SEC11A: variants seen among roughly 807,000 people sequenced by gnomAD.
The protein encoded by SEC11A is SEC11 homolog A, signal peptidase complex subunit.
SEC11A carries 14 observed loss-of-function variants against 25.6 expected under a neutral mutation model. That is an observed-to-expected ratio of 0.55 (90% CI 0.36 to 0.85). SEC11A has a LOEUF of 0.85. SEC11A is among the 40% of genes least tolerant of loss of function. The probability of loss-of-function intolerance (pLI) is 0.01; values close to 1 mark genes in which losing one functional copy is unlikely to be tolerated. For synonymous variants in SEC11A, 83 were observed against 76.4 expected (o/e 1.09, Z -0.45); for missense variants, 153 against 222.9 (o/e 0.69, Z 2.00).
At chr15:84,706,122 G>A (rs1276755485) in intron 1 of SEC11A, among the ~76,000 whole-genome samples, 1 of 151,826 alleles carries the variant, frequency 6.6e-6, no homozygotes, top group Non-Finnish European at 1.5e-5. Flanking sequence ...GGCTAGGCTG[G>A]TCTCGAACTC....
chr15:84,703,824 A>G (rs556190896), intron 1 of SEC11A, among the ~76,000 whole-genome samples: 12 of 152,344 alleles, frequency 7.9e-5, no homozygotes, highest in South Asian at 2.1e-4. Context: ...TAGAATATGA[A>G]GATAATTGTG....
intron 4 of SEC11A, among the ~76,000 whole-genome samples, chr15:84,676,257 A>G (rs1596068321): frequency 6.6e-6 from 1 of 152,112 alleles, no homozygotes. Flanking sequence ...GTTAAAAAAA[A>G]AGAGAGAGAC....
At chr15:84,710,347 T>C (rs549429774) in intron 1 of SEC11A, among the ~76,000 whole-genome samples, 23 of 152,210 alleles carry the variant, frequency 1.5e-4, no homozygotes, top group African/African-American at 1.9e-4. Context: ...TTAAAGGTGA[T>C]TGTTGGCTGA....
At chr15:84,682,025 CT>C in intron 3 of SEC11A, among the ~76,000 whole-genome samples, 1 of 152,242 alleles carries the variant, frequency 6.6e-6, no homozygotes, top group East Asian at 1.9e-4. Context: ...CGTCACTGCA[CT>C]CTAGCCTTGG....
In SEC11A at chr15:84,669,986, T is replaced by C. The variant is rs746776501; in HGVS notation, c.*33A>G. 5 of 1,613,300 alleles carry C rather than the reference T, an allele frequency of 3.1e-6. No individual in the cohort carries two copies. The African/African-American group carries it at 5.3e-5, about 17-fold the overall frequency. ...TCCAAACATCCAGTAACGAAAACTA[T>C]GGCATCTTCCCAGGAACAGCAAGGC... On this transcript the variant is annotated 3_prime_UTR_variant, in exon 6 of 6. Coordinates refer to ENST00000268220, the MANE Select transcript of SEC11A (RefSeq NM_014300.4).
chr15:84,702,422 C>T (rs1016200324), intron 1 of SEC11A, among the ~76,000 whole-genome samples: 1 of 148,996 alleles, frequency 6.7e-6, no homozygotes, highest in Non-Finnish European at 1.5e-5. Flanking sequence ...AGATCGCATG[C>T]ACCACTGCAC....
chr15:84,671,588 C>T (rs1248169864), intron 4 of SEC11A: 1 of 152,268 alleles, frequency 6.6e-6, no homozygotes, highest in Non-Finnish European at 1.5e-5. Flanking sequence ...CCTTTGAGGT[C>T]TTTATAATAA....
At chr15:84,698,327 T>TA (rs1392847121) in intron 1 of SEC11A, among the ~76,000 whole-genome samples, 2 of 152,208 alleles carry the variant, frequency 1.3e-5, no homozygotes, top group Non-Finnish European at 2.9e-5. Flanking sequence ...AAATGTGTCT[T>TA]AGAGCTACAA....
chr15:84,681,696 A>C (rs1272354980), intron 3 of SEC11A, among the ~76,000 whole-genome samples: 3 of 152,188 alleles, frequency 2.0e-5, no homozygotes, highest in Non-Finnish European at 2.9e-5. Context: ...TGAGAACTTT[A>C]TCTGGGTCCA....
rs1450268782 is a variant in SEC11A at position 84,687,668 on chromosome 15, T to C, written c.268A>G (p.Arg90Gly). The C allele has an allele frequency of 1.3e-6, 2 of 1,597,268 alleles. No individual in the cohort carries two copies. The highest frequency in any genetic ancestry group is 1.1e-5 in the South Asian group (1 of 87,184). The change falls in exon 3 of 6, where the codon AGA (arginine) becomes GGA (glycine). Residue 90 changes from arginine (R) to glycine (G), a missense_variant. Coordinates refer to ENST00000268220, the MANE Select transcript of SEC11A (RefSeq NM_014300.4). ...ACTCGGTGAACTATAGGAATCTCTC[T>C]TCCTTCTATCCTAAAAACAACAATT... The part of the protein sequence containing the change: ...GEIVVFRIEG[R>G]EIPIVHRVLK...
intron 1 of SEC11A, among the ~76,000 whole-genome samples, chr15:84,715,553 A>G (rs1381393916): frequency 6.6e-6 from 1 of 152,180 alleles, no homozygotes; most frequent in African/African-American, 2.4e-5. Context: ...GTTCAGCTCT[A>G]CTAAAGGGTT....
intron 1 of SEC11A, among the ~76,000 whole-genome samples, chr15:84,713,920 T>G (rs1410713858): frequency 1.3e-5 from 2 of 152,158 alleles, no homozygotes; most frequent in Non-Finnish European, 2.9e-5. Context: ...TCTCAAAATT[T>G]TCCTACCACT....
intron 2 of SEC11A, among the ~76,000 whole-genome samples, chr15:84,690,544 T>C (rs1897572913): frequency 6.6e-6 from 1 of 152,046 alleles, no homozygotes; most frequent in Non-Finnish European, 1.5e-5. Context: ...TTGAGACCGG[T>C]AGGTGGAGTC....
chr15:84,682,800 A>G (rs867415324), intron 3 of SEC11A, among the ~76,000 whole-genome samples: 1 of 152,168 alleles, frequency 6.6e-6, no homozygotes, highest in Non-Finnish European at 1.5e-5. Flanking sequence ...CTACTAAAGA[A>G]CCATGAAGTT....
intron 1 of SEC11A, among the ~76,000 whole-genome samples, chr15:84,707,748 G>T (rs1898139760): frequency 6.6e-6 from 1 of 152,056 alleles, no homozygotes; most frequent in Non-Finnish European, 1.5e-5. Context: ...CTGTGGAAAA[G>T]AATAATCATC....
chr15:84,682,156 T>C (rs567922687), intron 3 of SEC11A, among the ~76,000 whole-genome samples: 2 of 152,164 alleles, frequency 1.3e-5, no homozygotes, highest in East Asian at 3.9e-4. Flanking sequence ...GGATGATAGA[T>C]ACATGGGGGT....
intron 1 of SEC11A, among the ~76,000 whole-genome samples, chr15:84,704,743 C>T (rs1256220370): frequency 6.6e-6 from 1 of 152,110 alleles, no homozygotes; most frequent in Non-Finnish European, 1.5e-5. Flanking sequence ...AGTACTCTGG[C>T]AAATGGTATT....
chr15:84,703,917 G>A lies in SEC11A; in HGVS notation c.51+12108C>T, dbSNP rs540010640. ...AACAAAAATGACTTCTTCTGTGGATGTCAGTCAGCCTATTTCCCCAGCCAC... is the reference window on the plus strand; with the variant it reads ...AACAAAAATGACTTCTTCTGTGGATATCAGTCAGCCTATTTCCCCAGCCAC... On this transcript the variant is annotated intron_variant, in intron 1 of 5. Coordinates refer to ENST00000268220, the MANE Select transcript of SEC11A (RefSeq NM_014300.4). Among the ~76,000 whole-genome samples, 6 of 152,314 alleles carry A rather than the reference G, an allele frequency of 3.9e-5. No homozygotes were observed. The South Asian group carries it at 1.0e-3, about 26-fold the overall frequency.
At chr15:84,715,930 C>T (rs958808170) in intron 1 of SEC11A, 95 bp downstream of exon 1, 2 of 1,177,488 alleles carry the variant, frequency 1.7e-6, no homozygotes, top group Non-Finnish European at 2.5e-6. Flanking sequence ...CCAGCTCAGA[C>T]CCTCACACCA....
Sources: allele counts gnomAD v4.1 joint callset (sites outside exome capture counted in the v4.1 genomes callset), GRCh38; gene constraint gnomAD v4.1.1; transcripts MANE v1.5; gene names NCBI Gene and HGNC (gene_info 2026-07-23, HGNC 2026-07-21).